NOD1: variants seen among roughly 807,000 people sequenced by gnomAD.
NOD1 encodes the protein nucleotide binding oligomerization domain containing 1, also known as nucleotide-binding oligomerization domain-containing protein 1.
Under a neutral mutation model 81.2 loss-of-function variants are expected in NOD1, and 70 were observed. The ratio of observed to expected loss-of-function variants is 0.86; its 90% CI spans 0.71 to 1.05. The LOEUF (loss-of-function observed/expected upper bound fraction) is 1.05. NOD1 is among the 50% of genes least tolerant of loss of function. The probability of loss-of-function intolerance (pLI) is 0.00; values close to 1 mark genes in which losing one functional copy is unlikely to be tolerated. For missense variants in NOD1, 1,233 were observed against 1,228.0 expected, an observed-to-expected ratio of 1.00 and a Z score of -0.06; for synonymous variants, 508 against 526.9, an observed-to-expected ratio of 0.96 and a Z score of 0.49.
chr7:30,460,404 C>G (rs1750246275), intron 1 of NOD1: 1 of 985,220 alleles, frequency 1.0e-6, no homozygotes, highest in African/African-American at 1.7e-5. Context: ...CTCTTCCAGG[C>G]AAAGAGAGGA....
At position 30,433,137 on chromosome 7, in the gene NOD1, C is replaced by T; in HGVS notation, c.2664G>A (p.Leu888=). 6.2e-7 allele frequency: 1 copy of T among 1,614,096 alleles called. No homozygotes were observed. The highest frequency in any genetic ancestry group is 1.1e-5 in the South Asian group (1 of 91,078). ...TCTGGTTGACTTTCAACATTTCTGC[C>T]AAACTCTCTGCCACTTCATCGTTGA... The part of the protein sequence containing the change: ...NELNDEVAES[L]AEMLKVNQTL... Residue 888 remains leucine, a synonymous_variant, in exon 12 of 14, where the codon TTG becomes TTA. Coordinates refer to ENST00000222823, the MANE Select transcript of NOD1 (RefSeq NM_006092.4).
chr7:30,459,822 G>A (rs1054154095), intron 2 of NOD1, 79 bp downstream of exon 2: 2 of 152,634 alleles, frequency 1.3e-5, no homozygotes, highest in Non-Finnish European at 2.9e-5. Flanking sequence ...AGAAAGCTGG[G>A]AAGGGGTGTT....
At chr7:30,465,646 C>T (rs2128094745) in intron 1 of NOD1, among the ~76,000 whole-genome samples, 1 of 150,604 alleles carries the variant, frequency 6.6e-6, no homozygotes, top group East Asian at 2.0e-4. Context: ...TGTTGGGAAT[C>T]ATTATTCGCT....
At chr7:30,434,835 C>T (rs562726632) in intron 11 of NOD1, among the ~76,000 whole-genome samples, 2 of 152,284 alleles carry the variant, frequency 1.3e-5, no homozygotes, top group African/African-American at 4.8e-5. Context: ...AGGATATTGT[C>T]ATTATTCTCA....
chr7:30,456,405 G>T (rs1161955939), intron 4 of NOD1, among the ~76,000 whole-genome samples: 1 of 152,068 alleles, frequency 6.6e-6, no homozygotes, highest in Non-Finnish European at 1.5e-5. Context: ...AATGAACATC[G>T]CTGCTGGGGA....
At chr7:30,433,224 C>T in intron 11 of NOD1, 45 bp from the exon 12 acceptor site, 3 of 1,479,314 alleles carry the variant, frequency 2.0e-6, no homozygotes, top group Non-Finnish European at 2.8e-6. Flanking sequence ...GCCTACTTGG[C>T]AGACATTGTT....
At chr7:30,466,406 G>A (rs1283638748) in intron 1 of NOD1, among the ~76,000 whole-genome samples, 1 of 151,802 alleles carries the variant, frequency 6.6e-6, no homozygotes, top group African/African-American at 2.4e-5. Context: ...AGCACAAGAT[G>A]GGGGCAGCTG....
intron 1 of NOD1, among the ~76,000 whole-genome samples, chr7:30,472,977 G>C (rs1347613869): frequency 1.3e-5 from 2 of 152,186 alleles, no homozygotes; most frequent in African/African-American, 4.8e-5. Flanking sequence ...AAGACTTTCT[G>C]ATAATATTTG....
chr7:30,454,999 C>T (rs1786189123), intron 5 of NOD1, 138 bp downstream of exon 5: 4 of 805,540 alleles, frequency 5.0e-6, no homozygotes, highest in Non-Finnish European at 7.9e-6. Context: ...AGACAGGATT[C>T]AGCTGTTCCT....
intron 12 of NOD1, among the ~76,000 whole-genome samples, 187 bp from the exon 13 acceptor site, chr7:30,429,644 A>G (rs1228048988): frequency 1.3e-5 from 2 of 152,188 alleles, no homozygotes; most frequent in Non-Finnish European, 2.9e-5. Context: ...ATAGCTTGAT[A>G]TTTTTTAAAT....
In NOD1 at chr7:30,446,081, A is replaced by G. The variant is rs1001443663; in HGVS notation, c.2453+60T>C. 20 of 1,292,216 alleles carry G rather than the reference A, an allele frequency of 1.5e-5. No homozygotes were observed. The African/African-American group carries it at 2.8e-4, about 18-fold the overall frequency. 80.0% of individuals were successfully genotyped at this position (1,292,216 alleles called of 1,614,324 possible). On this transcript the variant is annotated intron_variant, in intron 9 of 13. Transcript: ENST00000222823. The stretch of plus-strand genomic sequence containing the variant: ...GTACTGATGTATGAAAAGAACAGCA[A>G]GGCCCGCCCCCCACACACACAGCAG...
At chr7:30,465,789 T>C (rs1042183949) in intron 1 of NOD1, among the ~76,000 whole-genome samples, 1 of 152,248 alleles carries the variant, frequency 6.6e-6, no homozygotes, top group African/African-American at 2.4e-5. Flanking sequence ...ATGTAGCAGA[T>C]GCTATCTTAG....
rs1466376263 is a variant in NOD1, at chr7:30,445,575, A to G, written c.2453+566T>C. Among the ~76,000 whole-genome samples, 4 of 151,838 alleles carry G rather than the reference A, an allele frequency of 2.6e-5. No homozygotes were observed. In the East Asian group the frequency reaches 5.8e-4, roughly 22 times the overall value. ...GGAGTTTGAGACCAGCCTGGCCAAC[A>G]TGGTGAAACCCCGCCTCTACTAAAA... On this transcript the variant is annotated intron_variant, in intron 9 of 13. Transcript: ENST00000222823.
chr7:30,450,382 A>C (rs1369603303), intron 6 of NOD1, among the ~76,000 whole-genome samples: 4 of 152,212 alleles, frequency 2.6e-5, no homozygotes, highest in Non-Finnish European at 5.9e-5. Flanking sequence ...CACTGGTGTG[A>C]CAGGCACTGG....
chr7:30,438,093 A>C (rs1256127232), intron 9 of NOD1, among the ~76,000 whole-genome samples: 2 of 152,224 alleles, frequency 1.3e-5, no homozygotes, highest in Non-Finnish European at 2.9e-5. Flanking sequence ...GGTCAGAGAC[A>C]TTCCTGAAGA....
chr7:30,427,888 C>A (rs913936822), intron 13 of NOD1, among the ~76,000 whole-genome samples: 1 of 152,182 alleles, frequency 6.6e-6, no homozygotes, highest in Non-Finnish European at 1.5e-5. Flanking sequence ...TTCCTCTCCC[C>A]CTCTGCCTGC....
intron 5 of NOD1, among the ~76,000 whole-genome samples, chr7:30,453,383 C>T (rs1434635971): frequency 6.6e-6 from 1 of 152,180 alleles, no homozygotes. Context: ...GCCCCTCGCA[C>T]TCGAGGGCCA....
At chr7:30,446,885 T>C (rs1785151693) in intron 8 of NOD1, 82 bp downstream of exon 8, 1 of 1,151,212 alleles carries the variant, frequency 8.7e-7, no homozygotes, top group Non-Finnish European at 1.3e-6. Context: ...TGAAAGCTCT[T>C]TACTGTGACA....
At chr7:30,448,554 G>A (rs565321339) in intron 6 of NOD1, among the ~76,000 whole-genome samples, 173 bp from the exon 7 acceptor site, 3 of 152,204 alleles carry the variant, frequency 2.0e-5, no homozygotes, top group South Asian at 2.1e-4. Flanking sequence ...CCTGGCCAAC[G>A]TGGGGCCGCC....
Sources: allele counts gnomAD v4.1 joint callset (sites outside exome capture counted in the v4.1 genomes callset), GRCh38; gene constraint gnomAD v4.1.1; transcripts MANE v1.5; gene names NCBI Gene and HGNC (gene_info 2026-07-23, HGNC 2026-07-21).